The following ROS1 variants were observed in gnomAD, a reference collection of about 807,000 sequenced individuals.
The protein encoded by ROS1 is proto-oncogene tyrosine-protein kinase ROS.
A neutral mutation model predicts 273.5 loss-of-function variants in ROS1; 263 were observed. That is an observed-to-expected ratio of 0.96 (90% CI 0.87 to 1.06). The LOEUF (loss-of-function observed/expected upper bound fraction) is 1.06, where lower values mean the gene tolerates loss of function less well. Among genes scored for constraint, ROS1 ranks in the 50% least tolerant of loss-of-function variants. ROS1 has a pLI of 0.00. For synonymous variants in ROS1, 1,008 were observed against 954.1 expected (o/e 1.06, Z -1.04); for missense variants, 2,833 against 2,751.1 (o/e 1.03, Z -0.67).
intron 9 of ROS1, among the ~76,000 whole-genome samples, chr6:117,395,948 C>T (rs1582840526): frequency 6.6e-6 from 1 of 151,952 alleles, no homozygotes; most frequent in Admixed American, 6.6e-5. Flanking sequence ...TTTTTTAAAA[C>T]CCTAAATTTT....
At chr6:117,418,144 T>C (rs762275684) in intron 2 of ROS1, among the ~76,000 whole-genome samples, 14 of 152,200 alleles carry the variant, frequency 9.2e-5, no homozygotes, top group Non-Finnish European at 1.3e-4. Flanking sequence ...TAAAATGTCA[T>C]TGTTAGAAGA....
At position 117,310,288 on chromosome 6, in the gene ROS1, CAGA is replaced by C; in HGVS notation, c.6216-10_6216-8del. On this transcript the variant is annotated splice_polypyrimidine_tract_variant and splice_region_variant and intron_variant, in intron 40 of 43. Transcript: ENST00000368507. Reference sequence around the variant, plus strand: ...ATTTCTAGCTGCCAGATCCCTGTGGCAGAAGTTATATTTAATAATAATAATAAT... The same window carrying C: ...ATTTCTAGCTGCCAGATCCCTGTGGCAGTTATATTTAATAATAATAATAAT... The C allele has an allele frequency of 3.2e-6, 5 of 1,578,528 alleles. No individual in the cohort carries two copies. Among genetic ancestry groups the C allele is most frequent in the Non-Finnish European group, 4.3e-6 (5 of 1,159,516 alleles).
intron 27 of ROS1, among the ~76,000 whole-genome samples, chr6:117,352,464 A>T (rs1375237978): frequency 7.3e-5 from 11 of 149,920 alleles, no homozygotes; most frequent in African/African-American, 2.5e-4. Flanking sequence ...CATCAGTGAC[A>T]TTTTTTTTAA....
chr6:117,361,574 A>G (rs1779807061), intron 22 of ROS1, among the ~76,000 whole-genome samples: 1 of 148,436 alleles, frequency 6.7e-6, no homozygotes, highest in Admixed American at 6.8e-5. Context: ...ATTCTATATA[A>G]ATACTATATA....
At chr6:117,402,486 C>T (rs1459426682) in intron 7 of ROS1, among the ~76,000 whole-genome samples, 1 of 152,194 alleles carries the variant, frequency 6.6e-6, no homozygotes, top group African/African-American at 2.4e-5. Context: ...CTCTAAATGA[C>T]AAACCCTGCT....
chr6:117,367,385 A>C (rs1780355732), intron 18 of ROS1, among the ~76,000 whole-genome samples: 3 of 152,254 alleles, frequency 2.0e-5, no homozygotes, highest in Admixed American at 2.0e-4. Flanking sequence ...AGCCATGAGG[A>C]CTCCAGTACC....
intron 42 of ROS1, among the ~76,000 whole-genome samples, chr6:117,306,149 G>A (rs138021906): frequency 1.7e-4 from 26 of 150,192 alleles, no homozygotes; most frequent in African/African-American, 5.2e-4. Flanking sequence ...ACATGAAAAC[G>A]TCATAGTATT....
At chr6:117,405,550 G>A (rs1422130300) in intron 5 of ROS1, among the ~76,000 whole-genome samples, 1 of 151,896 alleles carries the variant, frequency 6.6e-6, no homozygotes, top group East Asian at 1.9e-4. Flanking sequence ...ATAACCAGGA[G>A]GCATCAGAAA....
chr6:117,392,119 C>T (rs75685296), intron 12 of ROS1, among the ~76,000 whole-genome samples: 24 of 152,308 alleles, frequency 1.6e-4, no homozygotes, highest in African/African-American at 5.8e-4. Flanking sequence ...AGTTACATTT[C>T]ATAGGACCGT....
chr6:117,309,830 A>G (rs1775396169), intron 41 of ROS1, among the ~76,000 whole-genome samples: 1 of 152,096 alleles, frequency 6.6e-6, no homozygotes, highest in Non-Finnish European at 1.5e-5. Context: ...ACATCTTTGG[A>G]ATGTAATAAA....
intron 7 of ROS1, among the ~76,000 whole-genome samples, chr6:117,402,891 A>C: frequency 3.2e-5 from 1 of 30,842 alleles, no homozygotes; most frequent in Admixed American, 2.1e-4. Flanking sequence ...CTGTCTCCAA[A>C]AAAAAAAAAA....
In ROS1 at chr6:117,364,583, A is replaced by G. The variant is rs577444741; in HGVS notation, c.3103+477T>C. Among the ~76,000 whole-genome samples, 53 of 152,364 alleles carry G rather than the reference A, an allele frequency of 3.5e-4. 1 individual carries two copies. Among genetic ancestry groups the G allele is most frequent in the African/African-American group, 1.2e-3 (50 of 41,582 alleles). On this transcript the variant is annotated intron_variant, in intron 21 of 43. Coordinates refer to ENST00000368507, the MANE Select transcript of ROS1 (RefSeq NM_001378902.1). ...TAGTTAATAAAGGAGTGATACATAA[A>G]AATGTGTTTTGTACACTTTAAGGTG... is the stretch of plus-strand genomic sequence containing the variant.
intron 30 of ROS1, 40 bp from the exon 31 acceptor site, chr6:117,341,351 C>G: frequency 6.2e-7 from 1 of 1,612,026 alleles, no homozygotes; most frequent in South Asian, 1.1e-5. Context: ...CTTTTGAGAG[C>G]CTTGCACTTG....
chr6:117,385,371 G>A (rs539940613), intron 16 of ROS1, among the ~76,000 whole-genome samples: 6 of 152,160 alleles, frequency 3.9e-5, no homozygotes, highest in Middle Eastern at 6.8e-3. Context: ...CCTGGCCAAC[G>A]TGGTGAAACC....
At chr6:117,407,981 A>G (rs1774558129) in intron 5 of ROS1, among the ~76,000 whole-genome samples, 1 of 152,226 alleles carries the variant, frequency 6.6e-6, no homozygotes, top group African/African-American at 2.4e-5. Flanking sequence ...CCTATTTAAT[A>G]AATGGTGCTG....
At chr6:117,419,263 C>T (rs1362683340) in intron 1 of ROS1, among the ~76,000 whole-genome samples, 1 of 152,186 alleles carries the variant, frequency 6.6e-6, no homozygotes, top group Non-Finnish European at 1.5e-5. Flanking sequence ...TCAATAAATA[C>T]TGATGTGCTA....
intron 43 of ROS1, among the ~76,000 whole-genome samples, chr6:117,289,268 CT>C (rs1773655681): frequency 6.6e-6 from 1 of 152,128 alleles, no homozygotes. Flanking sequence ...AGTAATTTTG[CT>C]AAATTAATTG....
Position 117,342,479 on chromosome 6 carries a change from T to C in ROS1, c.4572A>G (p.Ile1524Met), listed in dbSNP as rs374813403. The part of the protein sequence containing the change: ...LQPFSTYMIQ[I>M]AVKNYYSDPL... ...GATCTGAATAATAATTTTTTACAGC[T>C]ATCTGTATCATGTATGTTGAAAATG... is the stretch of plus-strand genomic sequence containing the variant. The change falls in exon 29 of 44, where the codon ATA (isoleucine) becomes ATG (methionine). Residue 1524 changes from isoleucine (I) to methionine (M), a missense_variant. Physicochemically the swap from Ile to Met is conservative, Grantham distance 10 (BLOSUM62 1). Coordinates refer to ENST00000368507, the MANE Select transcript of ROS1 (RefSeq NM_001378902.1). 6.2e-7 allele frequency: 1 copy of C among 1,606,000 alleles called. No homozygotes were observed. The highest frequency in any genetic ancestry group is 1.3e-5 in the African/African-American group (1 of 74,734).
chr6:117,343,935 AG>A, intron 28 of ROS1, 124 bp downstream of exon 28: 1 of 694,312 alleles, frequency 1.4e-6, no homozygotes, highest in Non-Finnish European at 2.4e-6. Context: ...ATGAATCATT[AG>A]CTGTAAAAAA....
Sources: gnomAD v4.1 joint callset for allele counts (sites outside exome capture counted in the v4.1 genomes callset) on GRCh38, gnomAD v4.1.1 for gene constraint, MANE v1.5 for transcripts, NCBI Gene and HGNC (gene_info 2026-07-23, HGNC 2026-07-21) for gene names.